The following SH3BP2 variants were observed in gnomAD, a reference collection of about 807,000 sequenced individuals.
SH3BP2 encodes the protein SH3 domain binding protein 2, also known as SH3 domain-binding protein 2.
SH3BP2 carries 38 observed loss-of-function variants against 56.2 expected under a neutral mutation model. The ratio of observed to expected loss-of-function variants is 0.68; its 90% CI spans 0.52 to 0.89. The LOEUF (loss-of-function observed/expected upper bound fraction) is 0.89. Among genes scored for constraint, SH3BP2 ranks in the 40% least tolerant of loss-of-function variants. The pLI is 0.00. For missense variants in SH3BP2, 748 were observed against 762.6 expected (o/e 0.98, Z 0.23); for synonymous variants, 346 against 316.7 (o/e 1.09, Z -0.98).
intron 1 of SH3BP2, among the ~76,000 whole-genome samples, chr4:2,803,002 G>A (rs1001832324): frequency 3.9e-5 from 6 of 152,224 alleles, no homozygotes; most frequent in African/African-American, 1.2e-4. Flanking sequence ...CAGATAAAAC[G>A]CCGTAAAGTG....
intron 7 of SH3BP2, 89 bp downstream of exon 7, chr4:2,827,763 G>T: frequency 1.8e-6 from 2 of 1,128,802 alleles, no homozygotes; most frequent in Non-Finnish European, 1.3e-6. Flanking sequence ...GGCTGGGGAT[G>T]CTGGCCCAGG....
intron 5 of SH3BP2, 195 bp from the exon 6 acceptor site, chr4:2,827,033 GTC>G (rs1560108754): frequency 2.9e-6 from 2 of 689,048 alleles, no homozygotes; most frequent in East Asian, 2.7e-5. Context: ...GCATGTGTGT[GTC>G]TGTCAGCGTA....
intron 1 of SH3BP2, chr4:2,818,952 T>A (rs1230588940): frequency 1.5e-5 from 14 of 958,982 alleles, no homozygotes; most frequent in Non-Finnish European, 1.7e-5. Context: ...TTTAATTTTT[T>A]AATTTTAGCT....
At chr4:2,794,534 C>T (rs542215137) in intron 1 of SH3BP2, among the ~76,000 whole-genome samples, 1 of 152,376 alleles carries the variant, frequency 6.6e-6, no homozygotes, top group Non-Finnish European at 1.5e-5. Context: ...TGCCACCCGC[C>T]AGGCTCCCTT....
rs1723710281 is a variant in SH3BP2, at chr4:2,810,636, C to T, written c.-4-9978C>T. Among the ~76,000 whole-genome samples, 1 of 151,940 alleles carries T rather than the reference C, an allele frequency of 6.6e-6. No homozygotes were observed. The highest frequency in any genetic ancestry group is 1.5e-5 in the Non-Finnish European group (1 of 67,968). On this transcript the variant is annotated intron_variant, in intron 1 of 12. Coordinates refer to ENST00000503393, the MANE Select transcript of SH3BP2 (RefSeq NM_001122681.2). The surrounding 1 kb of genome is among the most constrained non-coding windows in gnomAD (Gnocchi z 4.2). The stretch of plus-strand genomic sequence containing the variant: ...ATTCCTCCCAACCCTGGGGTGTGCT[C>T]ACCCCAAGCCCCTTCCTCCCGTGGC...
chr4:2,800,926 G>A (rs1723249852), intron 1 of SH3BP2, among the ~76,000 whole-genome samples: 1 of 152,188 alleles, frequency 6.6e-6, no homozygotes, highest in Admixed American at 6.5e-5. Flanking sequence ...CTGAGGCTGA[G>A]CGGAGCTGTC....
chr4:2,810,166 A>T lies in SH3BP2; in HGVS notation c.-4-10448A>T, dbSNP rs1346850092. ...CAATTGGAGAAGCTAAGGCCCAGAG[A>T]GGAGGGGTCTGCAGAGGTCACCCAG... On this transcript the variant is annotated intron_variant, in intron 1 of 12. Transcript: ENST00000503393. This position sits in a 1 kb window ranked among gnomAD's most constrained non-coding sequence, Gnocchi z 4.2. 6.6e-6 allele frequency among the ~76,000 whole-genome samples: 1 copy of T among 152,100 alleles called. No individual in the cohort carries two copies. The highest frequency in any genetic ancestry group is 1.9e-4 in the East Asian group (1 of 5,162).
At chr4:2,830,834 G>A (rs1724945818) in intron 8 of SH3BP2, among the ~76,000 whole-genome samples, 1 of 152,242 alleles carries the variant, frequency 6.6e-6, no homozygotes, top group African/African-American at 2.4e-5. Flanking sequence ...TCGCATGGGT[G>A]TGCTGGCCGG....
intron 1 of SH3BP2, among the ~76,000 whole-genome samples, chr4:2,802,462 A>ATG: frequency 6.8e-6 from 1 of 147,392 alleles, no homozygotes; most frequent in Non-Finnish European, 1.5e-5. Context: ...ATGTGTGTGT[A>ATG]TATATGTGTA....
chr4:2,821,812 T>C (rs1179756393), intron 2 of SH3BP2, among the ~76,000 whole-genome samples: 1 of 152,228 alleles, frequency 6.6e-6, no homozygotes, highest in African/African-American at 2.4e-5. Context: ...CCCAAAGTGC[T>C]GGGATTACAG....
rs752330710 is a variant in SH3BP2, at chr4:2,831,708, A to T, written c.1350+29A>T. ...AGGCTGAGCGGCAAGCCTGGGTCCC[A>T]GTGGCCAGTAGGTGGACAGGTGGTG... On this transcript the variant is annotated intron_variant, in intron 9 of 12. Coordinates refer to ENST00000503393, the MANE Select transcript of SH3BP2 (RefSeq NM_001122681.2). This position sits in a 1 kb window ranked among gnomAD's most constrained non-coding sequence, Gnocchi z 4.1. 6.5e-7 allele frequency: 1 copy of T among 1,541,186 alleles called. No homozygotes were observed. Among genetic ancestry groups the T allele is most frequent in the Non-Finnish European group, 8.9e-7 (1 of 1,129,322 alleles).
chr4:2,832,979 C>T lies in SH3BP2; in HGVS notation c.1489-11C>T, dbSNP rs1247775614. ...TCAGGGAGCCGTCAGCCTCCCGCTT[C>T]CGTCCTGTAGGTCCTGGTTGTGTGG... On this transcript the variant is annotated splice_polypyrimidine_tract_variant and intron_variant, in intron 11 of 12. Transcript: ENST00000503393. 6.2e-7 allele frequency: 1 copy of T among 1,614,034 alleles called. No homozygotes were observed. Among genetic ancestry groups the T allele is most frequent in the East Asian group, 2.2e-5 (1 of 44,894 alleles).
chr4:2,827,630 A>C lies in SH3BP2; in HGVS notation c.542A>C (p.Asp181Ala). 6.3e-7 allele frequency: 1 copy of C among 1,598,118 alleles called. No individual in the cohort carries two copies. Residue 181 changes from aspartate to alanine, a missense_variant, in exon 7 of 13, where the codon GAC becomes GCC. This residue lies in a region of SH3BP2 where 635 missense variants were observed against 615.0 expected (regional missense o/e 1.03). Coordinates refer to ENST00000503393, the MANE Select transcript of SH3BP2 (RefSeq NM_001122681.2). ...GACTATGAGCACGACGATGAGGATG[A>C]CTCCTACCTGGAGCCTGACTCCCCG... The part of the protein sequence containing the change: ...NEDYEHDDED[D>A]SYLEPDSPEP...
rs1298346520 is a variant in SH3BP2, at chr4:2,827,248, A to C, written c.447A>C (p.Thr149=). 9 of 1,614,186 alleles carry C rather than the reference A, an allele frequency of 5.6e-6. No individual in the cohort carries two copies. The highest frequency in any genetic ancestry group is 7.6e-6 in the Non-Finnish European group (9 of 1,180,020). Residue 149 remains threonine (T), a synonymous_variant, in exon 6 of 13, where the codon ACA becomes ACC. Transcript: ENST00000503393. The stretch of plus-strand genomic sequence containing the variant: ...ATTGCAGCGACTCCAGCTCGGACAC[A>C]GACAGCTTCTACGGCGCAGTTGAGC... ...PLDTSDSSSD[T]DSFYGAVERP... is the part of the protein sequence containing the mutation.
At chr4:2,801,436 C>A (rs1723277755) in intron 1 of SH3BP2, among the ~76,000 whole-genome samples, 1 of 152,250 alleles carries the variant, frequency 6.6e-6, no homozygotes, top group African/African-American at 2.4e-5. Context: ...CTTCTTCCTT[C>A]TTTTTGCCTC....
At chr4:2,821,755 G>T (rs1251606461) in intron 2 of SH3BP2, among the ~76,000 whole-genome samples, 1 of 152,184 alleles carries the variant, frequency 6.6e-6, no homozygotes, top group Non-Finnish European at 1.5e-5. Context: ...ATGTTGCCCA[G>T]GCTGGCCTGG....
At chr4:2,832,116 G>A (rs1725020159) in intron 10 of SH3BP2, 138 bp downstream of exon 10, 1 of 1,020,274 alleles carries the variant, frequency 9.8e-7, no homozygotes, top group Admixed American at 1.9e-5. Context: ...CCAGAGGAGT[G>A]GACCTCCCTG....
intron 1 of SH3BP2, among the ~76,000 whole-genome samples, chr4:2,800,204 G>A (rs1723211560): frequency 6.6e-6 from 1 of 152,122 alleles, no homozygotes; most frequent in Non-Finnish European, 1.5e-5. Flanking sequence ...TGAGATTGGG[G>A]TGGCATTGGC....
intron 1 of SH3BP2, among the ~76,000 whole-genome samples, chr4:2,813,590 G>A (rs1439149736): frequency 6.6e-6 from 1 of 152,240 alleles, no homozygotes; most frequent in Non-Finnish European, 1.5e-5. Flanking sequence ...GGGAGTGGTG[G>A]TGATGATTCT....
Sources: gnomAD v4.1 joint callset for allele counts (sites outside exome capture counted in the v4.1 genomes callset) on GRCh38, gnomAD v4.1.1 for gene constraint, gnomAD v4.1.1 regional missense constraint, Gnocchi (gnomAD v3.1) non-coding constraint, MANE v1.5 for transcripts, NCBI Gene and HGNC (gene_info 2026-07-23, HGNC 2026-07-21) for gene names.